NAV2: variants seen among roughly 807,000 people sequenced by gnomAD.
NAV2 encodes the protein neuron navigator 2.
Under a neutral mutation model 223.2 loss-of-function variants are expected in NAV2, and 54 were observed. The observed-to-expected ratio is 0.24, with a 90% CI of 0.19 to 0.30. NAV2 has a LOEUF of 0.30. Among genes scored for constraint, NAV2 ranks in the 10% least tolerant of loss-of-function variants. The pLI is 1.00. For missense variants in NAV2, 2,806 were observed against 3,147.5 expected (o/e 0.89, Z 2.60); for synonymous variants, 1,279 against 1,239.3 (o/e 1.03, Z -0.67).
intron 1 of NAV2, among the ~76,000 whole-genome samples, chr11:19,735,942 C>T (rs948525149): frequency 2.0e-5 from 3 of 152,312 alleles, no homozygotes; most frequent in Non-Finnish European, 4.4e-5. Context: ...CATGTGCTGC[C>T]ATCTGCCCAG....
chr11:19,605,850 T>G (rs552914792), intron 1 of NAV2, among the ~76,000 whole-genome samples: 124 of 152,208 alleles, frequency 8.1e-4, no homozygotes, highest in African/African-American at 2.9e-3. Flanking sequence ...TGGGCGTGGG[T>G]TGTGTTGTTT....
intron 1 of NAV2, among the ~76,000 whole-genome samples, chr11:19,776,671 T>TG (rs1324135022): frequency 6.7e-6 from 1 of 150,072 alleles, no homozygotes; most frequent in Non-Finnish European, 1.5e-5. Context: ...TGTGTGTGTG[T>TG]GTGTGGTTAG....
chr11:19,897,266 A>C (rs1016154267), intron 6 of NAV2, among the ~76,000 whole-genome samples: 1 of 152,166 alleles, frequency 6.6e-6, no homozygotes, highest in African/African-American at 2.4e-5. Context: ...TAGCATTTGG[A>C]GATATACCTA....
chr11:19,605,932 A>T (rs2046465783), intron 1 of NAV2, among the ~76,000 whole-genome samples: 1 of 152,158 alleles, frequency 6.6e-6, no homozygotes, highest in South Asian at 2.1e-4. Context: ...GGAGAGAGGG[A>T]TAGTGGATTA....
At chr11:20,027,250 C>G in intron 11 of NAV2, 1 of 985,270 alleles carries the variant, frequency 1.0e-6, no homozygotes, top group Non-Finnish European at 1.2e-6. Context: ...TACTACTAAG[C>G]CTACAGTTAG....
chr11:19,556,572 T>C (rs183547922), intron 1 of NAV2, among the ~76,000 whole-genome samples: 3 of 152,288 alleles, frequency 2.0e-5, no homozygotes, highest in Admixed American at 2.0e-4. Context: ...ATATAAACCA[T>C]AGAATTTCAA....
At chr11:19,379,726 G>A (rs1211604215) in intron 1 of NAV2, among the ~76,000 whole-genome samples, 4 of 152,120 alleles carry the variant, frequency 2.6e-5, no homozygotes, top group Non-Finnish European at 5.9e-5. Flanking sequence ...TCTATTTCAC[G>A]TCAGACTGCC....
intron 1 of NAV2, chr11:19,384,685 A>G (rs1196345209): frequency 1.3e-5 from 2 of 152,198 alleles, no homozygotes; most frequent in African/African-American, 4.8e-5. Flanking sequence ...CCAGGTGCCC[A>G]GTGAATATGA....
intron 1 of NAV2, among the ~76,000 whole-genome samples, chr11:19,515,246 A>G (rs774653480): frequency 3.3e-5 from 5 of 152,210 alleles, no homozygotes; most frequent in Non-Finnish European, 7.3e-5. Context: ...AAATGAAAGC[A>G]GGCATTATTT....
chr11:19,871,927 G>A (rs145323388), intron 4 of NAV2, among the ~76,000 whole-genome samples: 3 of 152,286 alleles, frequency 2.0e-5, no homozygotes, highest in Admixed American at 1.3e-4. Flanking sequence ...CCTCCTTGGT[G>A]AGGGGAGGAA....
At chr11:19,771,462 C>A (rs930797939) in intron 1 of NAV2, among the ~76,000 whole-genome samples, 1 of 152,072 alleles carries the variant, frequency 6.6e-6, no homozygotes, top group African/African-American at 2.4e-5. Context: ...GCTGAGGGAA[C>A]AGCCTGAGCA....
intron 1 of NAV2, among the ~76,000 whole-genome samples, chr11:19,542,732 T>C (rs1055981196): frequency 6.6e-6 from 1 of 152,346 alleles, no homozygotes; most frequent in East Asian, 1.9e-4. Flanking sequence ...TATCTCTAAG[T>C]GCTGCCTATA....
At chr11:19,969,152 T>C (rs2568127) in intron 10 of NAV2, among the ~76,000 whole-genome samples, 119,485 of 152,226 alleles carry the variant, frequency 0.78, 47,225 homozygotes, top group Middle Eastern at 0.87. Context: ...GTTCTTTTGC[T>C]TTTCAAACTG....
At chr11:19,645,666 C>T (rs951169876) in intron 1 of NAV2, among the ~76,000 whole-genome samples, 1 of 152,104 alleles carries the variant, frequency 6.6e-6, no homozygotes, top group African/African-American at 2.4e-5. Context: ...TGAGCTTTTA[C>T]TATAGGCCAG....
intron 1 of NAV2, among the ~76,000 whole-genome samples, chr11:19,425,356 C>T (rs1470454390): frequency 6.6e-6 from 1 of 152,190 alleles, no homozygotes; most frequent in Non-Finnish European, 1.5e-5. Flanking sequence ...ACATGCTTTA[C>T]CATGGACATT....
At chr11:19,537,129 T>G (rs1447389142) in intron 1 of NAV2, among the ~76,000 whole-genome samples, 1 of 152,180 alleles carries the variant, frequency 6.6e-6, no homozygotes, top group Non-Finnish European at 1.5e-5. Context: ...CTAACAATTC[T>G]TCACTTGTGT....
chr11:19,963,670 G>A (rs1025510503), intron 10 of NAV2, among the ~76,000 whole-genome samples: 4 of 152,160 alleles, frequency 2.6e-5, no homozygotes, highest in Admixed American at 2.0e-4. Flanking sequence ...TCTTTGCCTC[G>A]AAAGCAATAT....
At chr11:20,010,373 G>T (rs924866512) in intron 11 of NAV2, among the ~76,000 whole-genome samples, 1 of 152,188 alleles carries the variant, frequency 6.6e-6, no homozygotes, top group Non-Finnish European at 1.5e-5. Context: ...GAACACTTAG[G>T]TCAATTGGCT....
At position 19,542,666 on chromosome 11, in the gene NAV2, A is replaced by G. The variant is rs375992192; in HGVS notation, c.75+191639A>G. 3.7e-4 allele frequency among the ~76,000 whole-genome samples: 57 copies of G among 152,388 alleles called. No individual in the cohort carries two copies. The East Asian group carries it at 5.2e-3, about 14-fold the overall frequency. On this transcript the variant is annotated intron_variant, in intron 1 of 37. Transcript: ENST00000360655. ...AGGTTTTAATTCATCGAAGGTCATA[A>G]GCAGAGCTGTTACTCTAATCCAGGT...
Sources: allele counts gnomAD v4.1 joint callset (sites outside exome capture counted in the v4.1 genomes callset), GRCh38; gene constraint gnomAD v4.1.1; transcripts MANE v1.5; gene names NCBI Gene and HGNC (gene_info 2026-07-23, HGNC 2026-07-21).